ADAM22: variants seen among roughly 807,000 people sequenced by gnomAD.
The protein encoded by ADAM22 is ADAM metallopeptidase domain 22, also known as disintegrin and metalloproteinase domain-containing protein 22.
A neutral mutation model predicts 144.6 loss-of-function variants in ADAM22; 65 were observed. That is an observed-to-expected ratio of 0.45 (90% CI 0.37 to 0.55). ADAM22 has a LOEUF of 0.55. ADAM22 is among the 20% of genes least tolerant of loss of function. The pLI is 0.00. For missense variants in ADAM22, 974 were observed against 1,184.9 expected, an observed-to-expected ratio of 0.82 and a Z score of 2.61; for synonymous variants, 391 against 412.6, an observed-to-expected ratio of 0.95 and a Z score of 0.63.
At chr7:87,946,937 T>G (rs1342367698) in intron 2 of ADAM22, among the ~76,000 whole-genome samples, 3 of 152,150 alleles carry the variant, frequency 2.0e-5, no homozygotes, top group Non-Finnish European at 4.4e-5. Context: ...TTATATTAAG[T>G]GAATTAATAC....
At chr7:88,035,277 A>G (rs950533682) in intron 3 of ADAM22, among the ~76,000 whole-genome samples, 2 of 152,222 alleles carry the variant, frequency 1.3e-5, no homozygotes, top group Non-Finnish European at 2.9e-5. Context: ...ACTTATTAAT[A>G]TATACAAATC....
chr7:87,950,824 T>C (rs1331949847), intron 2 of ADAM22, among the ~76,000 whole-genome samples: 18 of 149,048 alleles, frequency 1.2e-4, no homozygotes, highest in South Asian at 2.1e-4. Context: ...TTTTAATGAT[T>C]GCCATTCTAA....
At chr7:88,156,433 T>A (rs1839970238) in intron 22 of ADAM22, among the ~76,000 whole-genome samples, 1 of 152,120 alleles carries the variant, frequency 6.6e-6, no homozygotes, top group African/African-American at 2.4e-5. Context: ...ATAGCAACAA[T>A]ATTTTGTTAT....
At chr7:87,988,064 C>A (rs988054295) in intron 3 of ADAM22, among the ~76,000 whole-genome samples, 5 of 151,960 alleles carry the variant, frequency 3.3e-5, no homozygotes, top group Non-Finnish European at 7.4e-5. Flanking sequence ...GTGATAATAC[C>A]AGATATACTG....
intron 5 of ADAM22, among the ~76,000 whole-genome samples, chr7:88,112,235 A>C (rs762522604): frequency 6.6e-6 from 1 of 152,224 alleles, no homozygotes; most frequent in African/African-American, 2.4e-5. Context: ...CAAATTCAGA[A>C]AGTACATGTG....
At chr7:88,195,500 C>T (rs1254956756) in intron 31 of ADAM22, among the ~76,000 whole-genome samples, 1 of 151,848 alleles carries the variant, frequency 6.6e-6, no homozygotes, top group African/African-American at 2.4e-5. Context: ...TGAGAGAGAA[C>T]CTTTTATTTA....
intron 7 of ADAM22, among the ~76,000 whole-genome samples, chr7:88,125,315 C>A (rs1311447889): frequency 6.6e-6 from 1 of 151,654 alleles, no homozygotes; most frequent in East Asian, 1.9e-4. Context: ...GGAAGATTTC[C>A]AGTAAATAAA....
Position 87,968,526 on chromosome 7 carries a change from G to A in ADAM22, c.247-9810G>A, listed in dbSNP as rs752016195. The stretch of plus-strand genomic sequence containing the variant: ...GAATAGCCACTGCACTCCAGCCTGG[G>A]CAACACAGTGAGATTCTGTCTCTAC... On this transcript the variant is annotated intron_variant, in intron 2 of 31. Coordinates refer to ENST00000413139, the MANE Select transcript of ADAM22 (RefSeq NM_001324418.2). Among the ~76,000 whole-genome samples, 93 of 152,008 alleles carry A rather than the reference G, an allele frequency of 6.1e-4. 2 individuals carry two copies. Among genetic ancestry groups the A allele is most frequent in the Non-Finnish European group, 2.5e-4 (17 of 68,002 alleles).
At chr7:87,978,517 C>A in intron 3 of ADAM22, 105 bp downstream of exon 3, 2 of 813,334 alleles carry the variant, frequency 2.5e-6, no homozygotes, top group South Asian at 3.5e-5. Flanking sequence ...CTTCCTATAC[C>A]GGTTAAATAC....
At chr7:87,948,876 C>T (rs1844362561) in intron 2 of ADAM22, among the ~76,000 whole-genome samples, 1 of 152,162 alleles carries the variant, frequency 6.6e-6, no homozygotes, top group Non-Finnish European at 1.5e-5. Flanking sequence ...TGTTTGTGCA[C>T]TGCTTAGCAC....
In ADAM22 at chr7:88,023,887, C is replaced by G. The variant is rs112400164; in HGVS notation, c.323+45475C>G. Reference sequence around the variant, plus strand: ...GTAACCATTATTCTGCTCTCTATCTCTATGAGTTAAATTGTTTTAATTTTT... The same window carrying G: ...GTAACCATTATTCTGCTCTCTATCTGTATGAGTTAAATTGTTTTAATTTTT... On this transcript the variant is annotated intron_variant, in intron 3 of 31. Coordinates refer to ENST00000413139, the MANE Select transcript of ADAM22 (RefSeq NM_001324418.2). Among the ~76,000 whole-genome samples, 701 of 151,888 alleles carry G rather than the reference C, an allele frequency of 4.6e-3. 12 individuals carry two copies. The highest frequency in any genetic ancestry group is 0.042 in the East Asian group (214 of 5,134).
chr7:88,191,638 TA>T (rs1427259345), intron 30 of ADAM22, among the ~76,000 whole-genome samples: 2 of 152,140 alleles, frequency 1.3e-5, no homozygotes, highest in African/African-American at 2.4e-5. Flanking sequence ...ATTTCTTAAT[TA>T]AAAAAATATG....
At chr7:88,108,332 G>A in intron 5 of ADAM22, 74 bp downstream of exon 5, 1 of 1,136,398 alleles carries the variant, frequency 8.8e-7, no homozygotes, top group South Asian at 1.4e-5. Context: ...ATGCACTATA[G>A]TAGATATCCC....
chr7:87,999,866 T>C (rs1792115998), intron 3 of ADAM22, among the ~76,000 whole-genome samples: 1 of 152,118 alleles, frequency 6.6e-6, no homozygotes, highest in Non-Finnish European at 1.5e-5. Flanking sequence ...GTTCCAGCTA[T>C]TTGAGAGGCT....
intron 3 of ADAM22, among the ~76,000 whole-genome samples, chr7:88,035,680 A>T (rs556564602): frequency 6.6e-6 from 1 of 152,346 alleles, no homozygotes; most frequent in South Asian, 2.1e-4. Context: ...GTTGTATTAG[A>T]TATTATAAGT....
At chr7:88,150,508 G>A (rs1838018956) in intron 18 of ADAM22, among the ~76,000 whole-genome samples, 1 of 152,098 alleles carries the variant, frequency 6.6e-6, no homozygotes, top group African/African-American at 2.4e-5. Context: ...TTTAGTATAA[G>A]GGCTATGTTT....
chr7:88,086,263 T>C (rs1818441850), intron 4 of ADAM22, among the ~76,000 whole-genome samples: 1 of 152,246 alleles, frequency 6.6e-6, no homozygotes, highest in East Asian at 1.9e-4. Flanking sequence ...AACCAGATTG[T>C]TTATCCTATG....
chr7:88,133,537 C>A (rs146543298), intron 12 of ADAM22, among the ~76,000 whole-genome samples: 1 of 152,118 alleles, frequency 6.6e-6, no homozygotes, highest in Non-Finnish European at 1.5e-5. Flanking sequence ...AAGCTACTTA[C>A]AGATTAAATT....
chr7:88,150,077 C>T (rs980897696), intron 18 of ADAM22, among the ~76,000 whole-genome samples: 2 of 152,154 alleles, frequency 1.3e-5, no homozygotes, highest in Non-Finnish European at 2.9e-5. Flanking sequence ...TCTGGGACAT[C>T]GTCACCTATA....
Sources: gnomAD v4.1 joint callset for allele counts (sites outside exome capture counted in the v4.1 genomes callset) on GRCh38, gnomAD v4.1.1 for gene constraint, MANE v1.5 for transcripts, NCBI Gene and HGNC (gene_info 2026-07-23, HGNC 2026-07-21) for gene names.